SLX9: variants seen among roughly 807,000 people sequenced by gnomAD.
SLX9 encodes ribosome biogenesis protein SLX9 homolog.
SLX9 carries 19 observed loss-of-function variants against 20.8 expected under a neutral mutation model. The observed-to-expected ratio is 0.91, with a 90% CI of 0.64 to 1.34. The LOEUF (loss-of-function observed/expected upper bound fraction) is 1.34. Ranked by LOEUF, SLX9 falls within the 40% of genes most tolerant of loss-of-function variation. SLX9 has a pLI of 0.00. For missense variants in SLX9, 299 were observed against 322.2 expected (o/e 0.93, Z 0.55); for synonymous variants, 113 against 137.1 (o/e 0.82, Z 1.23).
intron 2 of SLX9, among the ~76,000 whole-genome samples, chr21:44,956,646 T>C (rs1321522154): frequency 2.6e-5 from 4 of 152,210 alleles, no homozygotes; most frequent in Non-Finnish European, 5.9e-5. Flanking sequence ...TGCAGATCTT[T>C]GTGGAGTGAG....
intron 2 of SLX9, among the ~76,000 whole-genome samples, chr21:44,944,629 C>T (rs2084610438): frequency 6.6e-6 from 1 of 152,224 alleles, no homozygotes; most frequent in African/African-American, 2.4e-5. Context: ...ATCTTGACAG[C>T]CTTGGGAAGT....
At chr21:44,958,549 G>A (rs1201659598) in intron 2 of SLX9, 1 of 152,368 alleles carries the variant, frequency 6.6e-6, no homozygotes, top group Non-Finnish European at 1.5e-5. Context: ...AGGACCCACA[G>A]GGCGAGCCCC....
chr21:44,948,495 C>T (rs990188330), intron 2 of SLX9, among the ~76,000 whole-genome samples: 5 of 152,186 alleles, frequency 3.3e-5, no homozygotes, highest in South Asian at 2.1e-4. Flanking sequence ...TACCAGAAAA[C>T]GAGCCCACCT....
chr21:44,975,569 C>G (rs1037385713), intron 5 of SLX9, among the ~76,000 whole-genome samples: 2 of 152,264 alleles, frequency 1.3e-5, no homozygotes, highest in African/African-American at 4.8e-5. Flanking sequence ...AGGACTCTGC[C>G]CAGTGGACCA....
Position 44,972,376 on chromosome 21 carries a change from G to A in SLX9, c.501-821G>A, listed in dbSNP as rs146442513. Among the ~76,000 whole-genome samples, 1,317 of 152,290 alleles carry A rather than the reference G, an allele frequency of 8.6e-3. 18 individuals carry two copies. The highest frequency in any genetic ancestry group is 0.027 in the African/African-American group (1,107 of 41,552). On this transcript the variant is annotated intron_variant, in intron 4 of 5. Coordinates refer to ENST00000291634, the MANE Select transcript of SLX9 (RefSeq NM_058190.4). The stretch of plus-strand genomic sequence containing the variant: ...GTTAACTGAGGGTGAGAAGCTCCGC[G>A]GGCAGCCGGAGCCTGCCTGGGGTGG...
At chr21:44,964,115 T>C (rs1285704660) in intron 3 of SLX9, among the ~76,000 whole-genome samples, 1 of 152,252 alleles carries the variant, frequency 6.6e-6, no homozygotes, top group Non-Finnish European at 1.5e-5. Flanking sequence ...TTACATCTTA[T>C]AATAAGCTTA....
chr21:44,953,344 C>G (rs1399811322), intron 2 of SLX9, among the ~76,000 whole-genome samples: 3 of 152,176 alleles, frequency 2.0e-5, no homozygotes, highest in Admixed American at 6.5e-5. Context: ...CTAGGTGGGG[C>G]CCCCAGACTA....
intron 4 of SLX9, among the ~76,000 whole-genome samples, chr21:44,970,100 C>T (rs1056154045): frequency 1.3e-5 from 2 of 151,820 alleles, no homozygotes; most frequent in African/African-American, 4.9e-5. Flanking sequence ...TGGGTTGAGA[C>T]CCCCCCTCCA....
chr21:44,972,571 G>A lies in SLX9; in HGVS notation c.501-626G>A, dbSNP rs2085170896. Among the ~76,000 whole-genome samples, 4 of 152,348 alleles carry A rather than the reference G, an allele frequency of 2.6e-5. No individual in the cohort carries two copies. In the South Asian group the frequency reaches 6.2e-4, roughly 24 times the overall value. ...GTGCTCGTTGGCACCCCCCGCAGGT[G>A]CAGGCAGGGCAGGATCTACGGTGGG... On this transcript the variant is annotated intron_variant, in intron 4 of 5. Transcript: ENST00000291634.
At chr21:44,966,667 C>T (rs558573683) in intron 3 of SLX9, among the ~76,000 whole-genome samples, 2 of 152,128 alleles carry the variant, frequency 1.3e-5, no homozygotes, top group Non-Finnish European at 2.9e-5. Context: ...TGTGACTTGC[C>T]ATCTTAAGTT....
intron 3 of SLX9, among the ~76,000 whole-genome samples, chr21:44,961,697 A>G (rs943138430): frequency 2.6e-5 from 4 of 152,274 alleles, no homozygotes; most frequent in South Asian, 4.2e-4. Context: ...CTCCACCTTC[A>G]TTTCTGATTA....
intron 4 of SLX9, among the ~76,000 whole-genome samples, chr21:44,969,716 C>T (rs2085108090): frequency 6.6e-6 from 1 of 152,190 alleles, no homozygotes; most frequent in African/African-American, 2.4e-5. Flanking sequence ...TGGAAGGAAC[C>T]AGTATCAACA....
chr21:44,974,212 G>A (rs1421769722), intron 5 of SLX9, among the ~76,000 whole-genome samples: 1 of 151,452 alleles, frequency 6.6e-6, no homozygotes, highest in African/African-American at 2.4e-5. Flanking sequence ...GTTTGAAATG[G>A]CTTTACTCAG....
At chr21:44,967,920 GGATGT>G (rs2085068708) in intron 4 of SLX9, among the ~76,000 whole-genome samples, 1 of 152,162 alleles carries the variant, frequency 6.6e-6, no homozygotes, top group South Asian at 2.1e-4. Context: ...CCACGGGTCT[GGATGT>G]GGTTTGTTCT....
rs369416556 is a variant in SLX9 at position 44,976,813 on chromosome 21, C to T, written c.*10C>T. 4.5e-6 allele frequency: 7 copies of T among 1,538,618 alleles called. No homozygotes were observed. In the East Asian group the frequency reaches 7.3e-5, roughly 16 times the overall value. ...TGGCGGCCAGCTCTGACCAGGGCAG[C>T]GGGCATGCCACAACTCCTCAGGACA... On this transcript the variant is annotated 3_prime_UTR_variant, in exon 6 of 6. Coordinates refer to ENST00000291634, the MANE Select transcript of SLX9 (RefSeq NM_058190.4).
intron 4 of SLX9, among the ~76,000 whole-genome samples, chr21:44,970,025 T>A (rs575632865): frequency 2.6e-5 from 4 of 152,330 alleles, no homozygotes; most frequent in African/African-American, 9.6e-5. Flanking sequence ...GAAGTGCCAC[T>A]GTCACTCCAC....
At position 44,960,068 on chromosome 21, in the gene SLX9, G is replaced by T. The variant is rs771825231; in HGVS notation, c.284-32G>T. ...GGTCATGGGAGTGCCACCTGGACAC[G>T]TTTTGCTCACTCCCGTGTTCTCTTT... is the stretch of plus-strand genomic sequence containing the variant. On this transcript the variant is annotated intron_variant, in intron 2 of 5. Coordinates refer to ENST00000291634, the MANE Select transcript of SLX9 (RefSeq NM_058190.4). 5.6e-6 allele frequency: 9 copies of T among 1,610,034 alleles called. No individual in the cohort carries two copies. In the East Asian group the frequency reaches 1.8e-4, roughly 32 times the overall value.
At chr21:44,957,374 G>A (rs1260156276) in intron 2 of SLX9, among the ~76,000 whole-genome samples, 1 of 152,198 alleles carries the variant, frequency 6.6e-6, no homozygotes, top group Non-Finnish European at 1.5e-5. Context: ...CGTGAGCCCG[G>A]TGCCTCTATG....
At chr21:44,957,988 G>A (rs960611887) in intron 2 of SLX9, among the ~76,000 whole-genome samples, 8 of 152,356 alleles carry the variant, frequency 5.3e-5, no homozygotes, top group Admixed American at 1.3e-4. Context: ...GGTCGCAGCC[G>A]CCTCTGCCCT....
Sources: allele counts gnomAD v4.1 joint callset (sites outside exome capture counted in the v4.1 genomes callset), GRCh38; gene constraint gnomAD v4.1.1; transcripts MANE v1.5; gene names NCBI Gene and HGNC (gene_info 2026-07-23, HGNC 2026-07-21).